The following CHRM2 variants were observed in gnomAD, a reference collection of about 807,000 sequenced individuals.
The protein encoded by CHRM2 is muscarinic acetylcholine receptor M2.
Under a neutral mutation model 25.0 loss-of-function variants are expected in CHRM2, and 8 were observed. That is an observed-to-expected ratio of 0.32 (90% confidence interval 0.19 to 0.58). The LOEUF is 0.58. Ranked by LOEUF, CHRM2 falls within the 20% of genes least tolerant of loss-of-function variation. The pLI is 0.88. For missense variants in CHRM2, 440 were observed against 567.1 expected (o/e 0.78, Z 2.28); for synonymous variants, 202 against 205.7 (o/e 0.98, Z 0.15).
At chr7:136,936,180 C>T (rs558020540) in intron 2 of CHRM2, among the ~76,000 whole-genome samples, 2 of 152,262 alleles carry the variant, frequency 1.3e-5, no homozygotes, top group East Asian at 3.9e-4. Flanking sequence ...AAAGTACCAA[C>T]ATACATGAAA....
intron 3 of CHRM2, among the ~76,000 whole-genome samples, chr7:136,993,651 A>G (rs1253678651): frequency 6.6e-6 from 1 of 152,170 alleles, no homozygotes; most frequent in Non-Finnish European, 1.5e-5. Context: ...CGAGCTAGGA[A>G]GAACATGATA....
chr7:137,013,073 A>G (rs1337240469), intron 3 of CHRM2, among the ~76,000 whole-genome samples: 1 of 151,978 alleles, frequency 6.6e-6, no homozygotes, highest in African/African-American at 2.4e-5. Flanking sequence ...GTTTTAGATT[A>G]TTCATCTTTC....
intron 2 of CHRM2, among the ~76,000 whole-genome samples, chr7:136,921,625 G>A (rs753702285): frequency 6.6e-6 from 1 of 151,822 alleles, no homozygotes; most frequent in South Asian, 2.1e-4. Context: ...CAATACTCTT[G>A]CTATTACTTC....
At chr7:136,929,274 T>G (rs1205059814) in intron 2 of CHRM2, among the ~76,000 whole-genome samples, 1 of 147,886 alleles carries the variant, frequency 6.8e-6, no homozygotes, top group Non-Finnish European at 1.5e-5. Context: ...TTTTCTTTCT[T>G]TTTTTTTTTA....
chr7:137,013,322 T>C (rs1044509862), intron 3 of CHRM2, among the ~76,000 whole-genome samples: 15 of 151,074 alleles, frequency 9.9e-5, no homozygotes, highest in African/African-American at 2.4e-4. Context: ...TGGAAAACAA[T>C]TGACTTTCCA....
rs386411435 is a variant in CHRM2 at position 136,949,459 on chromosome 7, T to TA, written c.-124-42709dup. Among the ~76,000 whole-genome samples the TA allele has an allele frequency of 2.9e-3, 350 of 120,812 alleles. 7 individuals are homozygous for TA. Among genetic ancestry groups the TA allele is most frequent in the Admixed American group, 0.01 (118 of 11,708 alleles). 79.3% of individuals were successfully genotyped at this position (120,812 alleles called of 152,430 possible). ...TAACAAGACCCTGTCTCTGCAAAAC[T>TA]AAAAAAAAAAAAAAAAAAATCAGCC... is the stretch of plus-strand genomic sequence containing the variant. On this transcript the variant is annotated intron_variant, in intron 2 of 3. Transcript: ENST00000680005.
intron 2 of CHRM2, among the ~76,000 whole-genome samples, chr7:136,958,973 C>T (rs1233111302): frequency 3.9e-5 from 6 of 152,082 alleles, no homozygotes; most frequent in Admixed American, 2.6e-4. Context: ...CTCTGAGGCC[C>T]ACCAGTTTGT....
At chr7:136,933,445 G>C (rs1799228746) in intron 2 of CHRM2, among the ~76,000 whole-genome samples, 1 of 152,160 alleles carries the variant, frequency 6.6e-6, no homozygotes, top group Non-Finnish European at 1.5e-5. Context: ...GTGTTGTCAA[G>C]GATGTGGAGA....
intron 2 of CHRM2, among the ~76,000 whole-genome samples, chr7:136,968,726 A>G (rs1801574192): frequency 8.0e-6 from 1 of 124,638 alleles, no homozygotes; most frequent in Non-Finnish European, 1.9e-5. Flanking sequence ...TCATAAATAT[A>G]TATATATATA....
intron 2 of CHRM2, among the ~76,000 whole-genome samples, chr7:136,936,884 C>T (rs541887701): frequency 1.1e-4 from 16 of 152,198 alleles, no homozygotes; most frequent in Admixed American, 2.6e-4. Flanking sequence ...TAAGATGTCT[C>T]GATATAGCTG....
chr7:136,878,858 C>A (rs900471803), intron 2 of CHRM2, among the ~76,000 whole-genome samples: 1 of 151,758 alleles, frequency 6.6e-6, no homozygotes, highest in Non-Finnish European at 1.5e-5. Flanking sequence ...GTTTACTATA[C>A]CACAAGCAGT....
chr7:136,901,601 C>T (rs938252834), intron 2 of CHRM2, among the ~76,000 whole-genome samples: 2 of 151,870 alleles, frequency 1.3e-5, no homozygotes, highest in African/African-American at 4.8e-5. Context: ...TTTGGCCATT[C>T]CCTGATGTCA....
intron 2 of CHRM2, among the ~76,000 whole-genome samples, chr7:136,884,788 C>T (rs1796398801): frequency 6.6e-6 from 1 of 152,154 alleles, no homozygotes; most frequent in Non-Finnish European, 1.5e-5. Context: ...TTTGTAAATA[C>T]TGTATTCTCT....
At chr7:136,893,613 T>C (rs1408826600) in intron 2 of CHRM2, among the ~76,000 whole-genome samples, 1 of 152,178 alleles carries the variant, frequency 6.6e-6, no homozygotes, top group Non-Finnish European at 1.5e-5. Flanking sequence ...TCATGGTTCC[T>C]GGCTTCAACC....
intron 2 of CHRM2, among the ~76,000 whole-genome samples, chr7:136,874,204 C>T (rs1795957356): frequency 6.6e-6 from 1 of 152,116 alleles, no homozygotes; most frequent in South Asian, 2.1e-4. Context: ...TCAATGGCCC[C>T]ATTTACTTTT....
chr7:136,970,907 A>G (rs324596), intron 2 of CHRM2, among the ~76,000 whole-genome samples: 130,430 of 152,128 alleles, frequency 0.86, 56,721 homozygotes, highest in Middle Eastern at 0.97. Context: ...TTGAGAAACC[A>G]TGAGATGGGG....
chr7:136,993,035 T>C (rs192764490), intron 3 of CHRM2, among the ~76,000 whole-genome samples: 6 of 152,344 alleles, frequency 3.9e-5, no homozygotes, highest in Admixed American at 3.9e-4. Context: ...GATTTGTGTT[T>C]GATTAAATAA....
At chr7:136,978,486 T>C (rs143406598) in intron 2 of CHRM2, among the ~76,000 whole-genome samples, 131 of 152,332 alleles carry the variant, frequency 8.6e-4, no homozygotes, top group Non-Finnish European at 1.4e-3. Flanking sequence ...AGTTTTGGGA[T>C]ACATGGGCAG....
intron 2 of CHRM2, among the ~76,000 whole-genome samples, chr7:136,939,423 G>A (rs776924335): frequency 6.6e-5 from 10 of 152,072 alleles, no homozygotes; most frequent in African/African-American, 1.4e-4. Context: ...CCTCTTAAGC[G>A]TCAGTGTTTC....
Sources: gnomAD v4.1 joint callset for allele counts (sites outside exome capture counted in the v4.1 genomes callset) on GRCh38, gnomAD v4.1.1 for gene constraint, MANE v1.5 for transcripts, NCBI Gene and HGNC (gene_info 2026-07-23, HGNC 2026-07-21) for gene names.